The following RALGPS1 variants were observed in gnomAD, a reference collection of about 807,000 sequenced individuals.
RALGPS1 encodes the protein ras-specific guanine nucleotide-releasing factor RalGPS1.
RALGPS1 carries 19 observed loss-of-function variants against 78.8 expected under a neutral mutation model. That is an observed-to-expected ratio of 0.24 (90% CI 0.17 to 0.35). The LOEUF is 0.35. Among genes scored for constraint, RALGPS1 ranks in the 10% least tolerant of loss-of-function variants. The pLI is 1.00. For missense variants in RALGPS1, 454 were observed against 688.3 expected (o/e 0.66, Z 3.81); for synonymous variants, 228 against 256.3 (o/e 0.89, Z 1.06).
chr9:127,116,572 C>G (rs944266623), intron 8 of RALGPS1, among the ~76,000 whole-genome samples: 5 of 152,138 alleles, frequency 3.3e-5, no homozygotes, highest in African/African-American at 1.2e-4. Context: ...GCTCTGGAGC[C>G]CTACAACTGG....
intron 4 of RALGPS1, among the ~76,000 whole-genome samples, chr9:126,994,178 G>A (rs1401124747): frequency 6.6e-6 from 1 of 152,186 alleles, no homozygotes; most frequent in Non-Finnish European, 1.5e-5. Context: ...AAGCTGGATG[G>A]AGAATGACTT....
Position 126,996,151 on chromosome 9 carries a change from A to G in RALGPS1, c.216+18406A>G, listed in dbSNP as rs528237010. 3.2e-3 allele frequency among the ~76,000 whole-genome samples: 488 copies of G among 152,312 alleles called. 1 individual carries two copies. The highest frequency in any genetic ancestry group is 6.8e-3 in the Middle Eastern group (2 of 294). ...AAAAGCAAGAGCAAACACATTCAAA[A>G]GCTAGCAGAAGGCAAGAAATAACTA... On this transcript the variant is annotated intron_variant, in intron 4 of 18. Transcript: ENST00000259351.
At chr9:127,160,155 G>A (rs1364130327) in intron 8 of RALGPS1, among the ~76,000 whole-genome samples, 1 of 152,208 alleles carries the variant, frequency 6.6e-6, no homozygotes, top group African/African-American at 2.4e-5. Context: ...CGTGGGCTTT[G>A]GCTTGGGGAG....
At chr9:126,956,612 G>A (rs1453126831) in intron 1 of RALGPS1, among the ~76,000 whole-genome samples, 5 of 152,082 alleles carry the variant, frequency 3.3e-5, no homozygotes, top group Non-Finnish European at 7.4e-5. Context: ...TGGGCAGGTT[G>A]AGAGGACTCC....
intron 8 of RALGPS1, among the ~76,000 whole-genome samples, chr9:127,139,337 A>T (rs1350259698): frequency 6.6e-6 from 1 of 152,212 alleles, no homozygotes; most frequent in Non-Finnish European, 1.5e-5. Flanking sequence ...CAGACTCCCC[A>T]GGTCAGGCCA....
At chr9:127,185,863 G>A (rs999631714) in intron 11 of RALGPS1, among the ~76,000 whole-genome samples, 19 of 152,166 alleles carry the variant, frequency 1.2e-4, no homozygotes, top group African/African-American at 4.3e-4. Flanking sequence ...AAGGAGGGAG[G>A]GATGCTGTAT....
intron 4 of RALGPS1, among the ~76,000 whole-genome samples, chr9:126,980,545 G>A (rs1189549176): frequency 2.6e-5 from 4 of 152,238 alleles, no homozygotes; most frequent in Admixed American, 1.3e-4. Flanking sequence ...TGTAGTGATT[G>A]TAAGACTGAT....
chr9:127,108,377 C>T (rs768957923), intron 8 of RALGPS1: 4 of 1,610,230 alleles, frequency 2.5e-6, no homozygotes, highest in Non-Finnish European at 2.5e-6. Flanking sequence ...AGCTTCACCT[C>T]GCTCACAATG....
intron 4 of RALGPS1, among the ~76,000 whole-genome samples, chr9:126,978,824 CT>C (rs2040938989): frequency 1.3e-5 from 2 of 152,098 alleles, no homozygotes; most frequent in African/African-American, 4.8e-5. Context: ...TTTACATGAT[CT>C]TTAAGTCACC....
At chr9:126,926,420 C>G (rs2035285124) in intron 1 of RALGPS1, among the ~76,000 whole-genome samples, 1 of 152,104 alleles carries the variant, frequency 6.6e-6, no homozygotes. Context: ...CCAGGTGAAG[C>G]AGGATACAGG....
In RALGPS1 at chr9:127,122,898, C is replaced by G. The variant is rs534734971; in HGVS notation, c.611-43171C>G. 6.6e-6 allele frequency: 1 copy of G among 152,472 alleles called. No individual in the cohort carries two copies. Among genetic ancestry groups the G allele is most frequent in the East Asian group, 1.9e-4 (1 of 5,186 alleles). 9.4% of individuals were successfully genotyped at this position (152,472 alleles called of 1,614,324 possible). ...CGGCAGGCCCCCTCCTTCCTTGGCA[C>G]GGGCAGCCTGGCCAGCTCTGCTCCC... On this transcript the variant is annotated intron_variant, in intron 8 of 18. Transcript: ENST00000259351. This position sits in a 1 kb window ranked among gnomAD's most constrained non-coding sequence, Gnocchi z 6.4.
At chr9:127,024,418 G>A (rs556286143) in intron 4 of RALGPS1, among the ~76,000 whole-genome samples, 7 of 149,704 alleles carry the variant, frequency 4.7e-5, no homozygotes, top group African/African-American at 1.7e-4. Flanking sequence ...GTGGTATCTT[G>A]TGACCGCTCA....
At chr9:126,966,955 T>C (rs917007942) in intron 3 of RALGPS1, among the ~76,000 whole-genome samples, 11 of 152,122 alleles carry the variant, frequency 7.2e-5, no homozygotes, top group African/African-American at 2.4e-4. Context: ...TCAAACCTGA[T>C]TGAGAGTGTT....
intron 4 of RALGPS1, among the ~76,000 whole-genome samples, chr9:126,997,706 C>G (rs1415867134): frequency 6.6e-6 from 1 of 152,102 alleles, no homozygotes; most frequent in Non-Finnish European, 1.5e-5. Flanking sequence ...GAGCCCACAT[C>G]GCCAAGTGAA....
intron 8 of RALGPS1, among the ~76,000 whole-genome samples, chr9:127,139,839 C>T (rs1026320933): frequency 5.3e-5 from 8 of 152,238 alleles, no homozygotes; most frequent in African/African-American, 1.9e-4. Flanking sequence ...CAGTTTTTCT[C>T]TTGAAGTCTA....
intron 9 of RALGPS1, 138 bp downstream of exon 9, chr9:127,166,344 A>G: frequency 9.9e-7 from 1 of 1,006,558 alleles, no homozygotes; most frequent in South Asian, 1.5e-5. Flanking sequence ...CATGTACTAG[A>G]TCCTTTTATA....
intron 8 of RALGPS1, among the ~76,000 whole-genome samples, chr9:127,099,703 A>G (rs1274775248): frequency 2.0e-5 from 3 of 152,254 alleles, no homozygotes; most frequent in African/African-American, 7.2e-5. Context: ...ATTCTATGTC[A>G]ATCACTGCTT....
chr9:126,959,087 G>T (rs536704721), intron 1 of RALGPS1, among the ~76,000 whole-genome samples: 50 of 149,106 alleles, frequency 3.4e-4, no homozygotes, highest in Non-Finnish European at 6.1e-4. Flanking sequence ...TTTTGAGGTG[G>T]AGTCTCACTC....
rs1322391926 is a variant in RALGPS1, at chr9:127,091,619, G to T, written c.610+22263G>T. 2 of 1,583,302 alleles carry T rather than the reference G, an allele frequency of 1.3e-6. No individual in the cohort carries two copies. Among genetic ancestry groups the T allele is most frequent in the South Asian group, 2.3e-5 (2 of 86,168 alleles). ...CCTGGAGTCAGGGGCTCTGGCTCTGGTTGACCTCTTTTCCCTACCCTGCAC... is the reference window on the plus strand; with the variant it reads ...CCTGGAGTCAGGGGCTCTGGCTCTGTTTGACCTCTTTTCCCTACCCTGCAC... On this transcript the variant is annotated intron_variant, in intron 8 of 18. Coordinates refer to ENST00000259351, the MANE Select transcript of RALGPS1 (RefSeq NM_014636.3). This position sits in a 1 kb window ranked among gnomAD's most constrained non-coding sequence, Gnocchi z 4.3.
Sources: allele counts gnomAD v4.1 joint callset (sites outside exome capture counted in the v4.1 genomes callset), GRCh38; gene constraint gnomAD v4.1.1; non-coding constraint Gnocchi (gnomAD v3.1); transcripts MANE v1.5; gene names NCBI Gene and HGNC (gene_info 2026-07-23, HGNC 2026-07-21).